MTUS2: variants seen among roughly 807,000 people sequenced by gnomAD.
The protein encoded by MTUS2 is microtubule associated scaffold protein 2.
MTUS2 carries 40 observed loss-of-function variants against 114.1 expected under a neutral mutation model. That is an observed-to-expected ratio of 0.35 (90% confidence interval 0.27 to 0.46). The LOEUF (loss-of-function observed/expected upper bound fraction) is 0.46. MTUS2 is among the 20% of genes least tolerant of loss of function. MTUS2 has a pLI of 1.00. For synonymous variants in MTUS2, 688 were observed against 672.0 expected, an observed-to-expected ratio of 1.02 and a Z score of -0.37; for missense variants, 1,679 against 1,705.4, an observed-to-expected ratio of 0.98 and a Z score of 0.27.
intron 6 of MTUS2, among the ~76,000 whole-genome samples, chr13:29,317,279 AGATT>A (rs1235673798): frequency 6.6e-6 from 1 of 152,218 alleles, no homozygotes; most frequent in Non-Finnish European, 1.5e-5. Context: ...CCCAGTATTC[AGATT>A]GTTTCTCCTA....
intron 2 of MTUS2, among the ~76,000 whole-genome samples, chr13:28,864,101 A>C (rs1877152546): frequency 6.6e-6 from 1 of 152,162 alleles, no homozygotes; most frequent in South Asian, 2.1e-4. Flanking sequence ...ACATCCCTGC[A>C]AATTGGGTTC....
chr13:28,947,654 T>G (rs2138159775), intron 2 of MTUS2, among the ~76,000 whole-genome samples: 1 of 152,330 alleles, frequency 6.6e-6, no homozygotes, highest in Non-Finnish European at 1.5e-5. Flanking sequence ...CCACTCAGTA[T>G]GTAAAGAATC....
intron 2 of MTUS2, among the ~76,000 whole-genome samples, chr13:28,987,160 A>G (rs1450516588): frequency 6.6e-6 from 1 of 152,214 alleles, no homozygotes; most frequent in East Asian, 1.9e-4. Flanking sequence ...GGACTCGTCC[A>G]CTGGATCTGG....
At chr13:28,825,458 A>C (rs1029094691) in intron 1 of MTUS2, among the ~76,000 whole-genome samples, 1 of 152,170 alleles carries the variant, frequency 6.6e-6, no homozygotes, top group African/African-American at 2.4e-5. Context: ...GCCTAGAGAG[A>C]ATCCCCAGCT....
chr13:29,313,462 T>C (rs964980640), intron 6 of MTUS2, among the ~76,000 whole-genome samples: 2 of 152,124 alleles, frequency 1.3e-5, no homozygotes, highest in African/African-American at 4.8e-5. Flanking sequence ...TTTGGACATA[T>C]GGAGTGTGAT....
rs376880541 is a variant in MTUS2 at position 29,491,896 on chromosome 13, C to T, written c.3506-750C>T. ...TGTGTGTGGTGGGTGTGTATGTGTG[C>T]GTGGCGTGTAGTGTGTGTATGTGAT... On this transcript the variant is annotated intron_variant, in intron 11 of 15. Transcript: ENST00000612955. Among the ~76,000 whole-genome samples, 826 of 93,220 alleles carry T rather than the reference C, an allele frequency of 8.9e-3. 2 individuals are homozygous for T. Among genetic ancestry groups the T allele is most frequent in the Non-Finnish European group, 0.013 (603 of 47,444 alleles). 61.2% of individuals were successfully genotyped at this position (93,220 alleles called of 152,430 possible).
intron 5 of MTUS2, among the ~76,000 whole-genome samples, chr13:29,125,601 C>G (rs948297629): frequency 8.5e-5 from 13 of 152,176 alleles, no homozygotes; most frequent in African/African-American, 2.9e-4. Flanking sequence ...GTTTTGTTTT[C>G]TTAGCCAAAG....
At chr13:29,179,766 C>G (rs1335660) in intron 5 of MTUS2, among the ~76,000 whole-genome samples, 112,463 of 152,144 alleles carry the variant, frequency 0.74, 41,661 homozygotes, top group East Asian at 0.8. Context: ...ATACTTTGTA[C>G]CAGCTCATAT....
intron 2 of MTUS2, among the ~76,000 whole-genome samples, chr13:28,850,150 G>A (rs1475419621): frequency 1.7e-5 from 1 of 60,498 alleles, no homozygotes; most frequent in Non-Finnish European, 4.6e-5. Flanking sequence ...TTGGTATAAG[G>A]TCCTTTGAAG....
intron 2 of MTUS2, among the ~76,000 whole-genome samples, chr13:28,851,911 C>A (rs1876300836): frequency 6.6e-6 from 1 of 152,166 alleles, no homozygotes; most frequent in South Asian, 2.1e-4. Context: ...AGTCTACTCT[C>A]CACACAGTAG....
At chr13:29,131,351 T>C (rs887465540) in intron 5 of MTUS2, among the ~76,000 whole-genome samples, 2 of 152,236 alleles carry the variant, frequency 1.3e-5, no homozygotes, top group African/African-American at 4.8e-5. Context: ...CTGATTGTCT[T>C]GACCACTATG....
chr13:29,176,619 T>A (rs1893783180), intron 5 of MTUS2, among the ~76,000 whole-genome samples: 1 of 152,226 alleles, frequency 6.6e-6, no homozygotes, highest in Admixed American at 6.5e-5. Flanking sequence ...CTTCAGATGG[T>A]GGAAGGGGCA....
At chr13:28,960,462 G>T (rs1237123626) in intron 2 of MTUS2, among the ~76,000 whole-genome samples, 1 of 152,104 alleles carries the variant, frequency 6.6e-6, no homozygotes, top group African/African-American at 2.4e-5. Context: ...ACATTCAAAA[G>T]TAGAAACAAT....
At chr13:29,371,985 C>CCT (rs1403492565) in intron 8 of MTUS2, among the ~76,000 whole-genome samples, 1 of 54,164 alleles carries the variant, frequency 1.8e-5, no homozygotes, top group Non-Finnish European at 4.6e-5. Context: ...CGCCCCCCCC[C>CCT]CCACACACAC....
chr13:28,873,741 A>G (rs558950629), intron 2 of MTUS2, among the ~76,000 whole-genome samples: 6 of 152,342 alleles, frequency 3.9e-5, no homozygotes, highest in African/African-American at 1.4e-4. Flanking sequence ...AATGACTGGT[A>G]AAGATCTGGC....
chr13:28,950,391 A>G (rs936021099), intron 2 of MTUS2, among the ~76,000 whole-genome samples: 4 of 152,190 alleles, frequency 2.6e-5, no homozygotes, highest in African/African-American at 9.7e-5. Flanking sequence ...TTTCCCATTC[A>G]ATAGGTTACC....
chr13:29,036,043 C>G (rs1229425429), intron 4 of MTUS2, among the ~76,000 whole-genome samples: 1 of 150,364 alleles, frequency 6.7e-6, no homozygotes, highest in Non-Finnish European at 1.5e-5. Flanking sequence ...ACTCTGGAGG[C>G]TGAGGCATGA....
intron 4 of MTUS2, among the ~76,000 whole-genome samples, chr13:29,058,794 A>G (rs986566730): frequency 6.8e-6 from 1 of 147,332 alleles, no homozygotes; most frequent in African/African-American, 2.5e-5. Flanking sequence ...ATTCCCAACT[A>G]TGAGTGAGAA....
At chr13:29,116,736 T>C (rs1249151801) in intron 5 of MTUS2, among the ~76,000 whole-genome samples, 4 of 152,174 alleles carry the variant, frequency 2.6e-5, no homozygotes, top group African/African-American at 9.7e-5. Flanking sequence ...GAGATGGCTA[T>C]TAAGTGACTC....
Sources: allele counts gnomAD v4.1 joint callset (sites outside exome capture counted in the v4.1 genomes callset), GRCh38; gene constraint gnomAD v4.1.1; transcripts MANE v1.5; gene names NCBI Gene and HGNC (gene_info 2026-07-23, HGNC 2026-07-21).